ANAPC10: variants seen among roughly 807,000 people sequenced by gnomAD.
The protein encoded by ANAPC10 is anaphase promoting complex subunit 10.
In ANAPC10, 12 loss-of-function variants were observed where a neutral mutation model predicts 22.0. That is an observed-to-expected ratio of 0.55 (90% CI 0.35 to 0.88). The LOEUF (loss-of-function observed/expected upper bound fraction) is 0.88, where lower values mean the gene tolerates loss of function less well. Among genes scored for constraint, ANAPC10 ranks in the 40% least tolerant of loss-of-function variants. ANAPC10 has a pLI of 0.01. For missense variants in ANAPC10, 188 were observed against 220.9 expected, an observed-to-expected ratio of 0.85 and a Z score of 0.94; for synonymous variants, 65 against 69.5, an observed-to-expected ratio of 0.94 and a Z score of 0.32.
chr4:145,002,344 T>C (rs1732699866), intron 4 of ANAPC10, among the ~76,000 whole-genome samples: 1 of 152,018 alleles, frequency 6.6e-6, no homozygotes, highest in African/African-American at 2.4e-5. Context: ...CTCAAAAGGC[T>C]CACTATGGAA....
intron 3 of ANAPC10, among the ~76,000 whole-genome samples, chr4:145,073,575 G>C (rs1744786830): frequency 6.6e-6 from 1 of 151,970 alleles, no homozygotes; most frequent in Non-Finnish European, 1.5e-5. Flanking sequence ...AATTTATAAA[G>C]TACTTTCTGT....
chr4:145,009,005 A>C (rs184348749), intron 4 of ANAPC10, among the ~76,000 whole-genome samples: 2 of 152,282 alleles, frequency 1.3e-5, no homozygotes, highest in African/African-American at 4.8e-5. Flanking sequence ...AGGATACAAA[A>C]TCAATGTGTA....
intron 2 of ANAPC10, among the ~76,000 whole-genome samples, chr4:145,092,542 G>A (rs1371378033): frequency 2.0e-5 from 3 of 152,140 alleles, no homozygotes; most frequent in Admixed American, 6.5e-5. Flanking sequence ...TTAATAATTT[G>A]ACAAAGACCA....
chr4:145,046,485 G>A lies in ANAPC10; in HGVS notation c.327+18087C>T, dbSNP rs139743014. Among the ~76,000 whole-genome samples the A allele has an allele frequency of 4.4e-3, 666 of 152,138 alleles. 3 individuals carry two copies. The highest frequency in any genetic ancestry group is 0.015 in the African/African-American group (612 of 41,534). ...AAAATCAAAGGAAGTATCCACGTTA[G>A]TAAAACTATTACCTTAGAAAATATC... On this transcript the variant is annotated intron_variant, in intron 4 of 4. Transcript: ENST00000507656.
At chr4:145,011,294 G>A (rs560255054) in intron 4 of ANAPC10, among the ~76,000 whole-genome samples, 8 of 147,898 alleles carry the variant, frequency 5.4e-5, no homozygotes, top group East Asian at 2.0e-4. Context: ...CCAAGATTGC[G>A]CCACTGTACT....
At chr4:145,014,186 T>C (rs191967006) in intron 4 of ANAPC10, among the ~76,000 whole-genome samples, 135 of 152,156 alleles carry the variant, frequency 8.9e-4, no homozygotes, top group Admixed American at 3.5e-3. Flanking sequence ...GTGGGTACCA[T>C]GGGGCAAGTT....
chr4:145,000,641 G>A (rs1333223784), intron 4 of ANAPC10, among the ~76,000 whole-genome samples: 1 of 152,226 alleles, frequency 6.6e-6, no homozygotes, highest in African/African-American at 2.4e-5. Flanking sequence ...ACAGTGTGGT[G>A]ACTGCTCAGA....
chr4:145,051,245 G>C (rs1339037799), intron 4 of ANAPC10, among the ~76,000 whole-genome samples: 1 of 152,074 alleles, frequency 6.6e-6, no homozygotes, highest in African/African-American at 2.4e-5. Flanking sequence ...GAGAGAAAGA[G>C]ATAAAAAAGC....
At chr4:145,015,914 A>G (rs1477109482) in intron 4 of ANAPC10, among the ~76,000 whole-genome samples, 2 of 152,182 alleles carry the variant, frequency 1.3e-5, no homozygotes, top group Non-Finnish European at 2.9e-5. Context: ...CCAAGCCACC[A>G]TTACAAGAAC....
chr4:145,093,525 C>A (rs1338623868), intron 2 of ANAPC10, among the ~76,000 whole-genome samples: 3 of 149,692 alleles, frequency 2.0e-5, no homozygotes, highest in African/African-American at 7.4e-5. Context: ...TTGGAACTAC[C>A]AGACAGGAAT....
In ANAPC10 at chr4:145,033,811, C is replaced by T. The variant is rs541640539; in HGVS notation, c.327+30761G>A. Among the ~76,000 whole-genome samples, 10 of 152,334 alleles carry T rather than the reference C, an allele frequency of 6.6e-5. No homozygotes were observed. The South Asian group carries it at 1.2e-3, about 19-fold the overall frequency. ...CCAGCTACAATCTTGTGACCAGCTG[C>T]AGAAATGAGGACTGTAACTGTCATG... On this transcript the variant is annotated intron_variant, in intron 4 of 4. Coordinates refer to ENST00000507656, the MANE Select transcript of ANAPC10 (RefSeq NM_001256706.2).
chr4:145,054,018 C>G (rs996172162), intron 4 of ANAPC10, among the ~76,000 whole-genome samples: 3 of 151,728 alleles, frequency 2.0e-5, no homozygotes, highest in African/African-American at 7.3e-5. Context: ...AAGCGATTCT[C>G]CTGCCTCAGC....
chr4:145,058,918 G>GT (rs1742469175), intron 4 of ANAPC10, among the ~76,000 whole-genome samples: 2 of 152,046 alleles, frequency 1.3e-5, no homozygotes, highest in Admixed American at 1.3e-4. Context: ...AAAATTATGT[G>GT]TATCACACCA....
intron 4 of ANAPC10, among the ~76,000 whole-genome samples, chr4:145,030,218 G>C (rs1737352426): frequency 6.6e-6 from 1 of 152,120 alleles, no homozygotes; most frequent in African/African-American, 2.4e-5. Flanking sequence ...AATGGACAAA[G>C]GACTAATCTG....
intron 1 of ANAPC10, chr4:145,097,216 T>C (rs1416886045): frequency 6.1e-6 from 2 of 328,000 alleles, no homozygotes; most frequent in Admixed American, 8.4e-5. Context: ...AGCACAAAAA[T>C]AAGAAAAAAA....
chr4:145,054,282 T>A (rs926552754), intron 4 of ANAPC10, among the ~76,000 whole-genome samples: 11 of 150,216 alleles, frequency 7.3e-5, no homozygotes, highest in South Asian at 2.1e-4. Flanking sequence ...CCAGGCGCGG[T>A]AGCTCACACC....
rs1272184610 is a variant in ANAPC10, at chr4:144,995,458, A to G, written c.473T>C (p.Ile158Thr). ...GGAGCTCTCTTCTACTGGTGTGTATATTTTAATTTGTCTCATATGGGTGTC... is the reference window on the plus strand; with the variant it reads ...GGAGCTCTCTTCTACTGGTGTGTATGTTTTAATTTGTCTCATATGGGTGTC... ...GRDTHMRQIK[I>T]YTPVEESSIG... Residue 158 changes from isoleucine (I) to threonine (T), a missense_variant, in exon 5 of 5, where the codon ATA becomes ACA. Transcript: ENST00000507656. The G allele has an allele frequency of 6.2e-7, 1 of 1,613,656 alleles. No individual in the cohort carries two copies. The highest frequency in any genetic ancestry group is 1.3e-5 in the African/African-American group (1 of 74,892).
At chr4:145,058,482 A>G (rs140787152) in intron 4 of ANAPC10, among the ~76,000 whole-genome samples, 3 of 152,292 alleles carry the variant, frequency 2.0e-5, no homozygotes, top group Non-Finnish European at 4.4e-5. Context: ...AATTTTTTGC[A>G]TATCTCTTCC....
At chr4:145,060,043 AAGAC>A (rs1490400277) in intron 4 of ANAPC10, among the ~76,000 whole-genome samples, 4 of 152,242 alleles carry the variant, frequency 2.6e-5, no homozygotes, top group Admixed American at 6.5e-5. Flanking sequence ...TCTGCAAAGA[AAGAC>A]AGTGTAGACT....
Sources: allele counts gnomAD v4.1 joint callset (sites outside exome capture counted in the v4.1 genomes callset), GRCh38; gene constraint gnomAD v4.1.1; transcripts MANE v1.5; gene names NCBI Gene and HGNC (gene_info 2026-07-23, HGNC 2026-07-21).